The following INF2 variants were observed in gnomAD, a reference collection of about 807,000 sequenced individuals.
INF2 encodes inverted formin-2.
Under a neutral mutation model 123.5 loss-of-function variants are expected in INF2, and 43 were observed. The ratio of observed to expected loss-of-function variants is 0.35; its 90% CI spans 0.27 to 0.45. The LOEUF is 0.45. INF2 is among the 20% of genes least tolerant of loss of function. The pLI is 1.00. For synonymous variants in INF2, 851 were observed against 745.0 expected, an observed-to-expected ratio of 1.14 and a Z score of -2.32; for missense variants, 1,453 against 1,682.7, an observed-to-expected ratio of 0.86 and a Z score of 2.39.
In INF2 at chr14:104,708,722, C is replaced by T. The variant is rs754226456; in HGVS notation, c.1939C>T (p.Gln647Ter). 2 of 1,613,124 alleles carry T rather than the reference C, an allele frequency of 1.2e-6. No individual in the cohort carries two copies. Among genetic ancestry groups the T allele is most frequent in the Non-Finnish European group, 8.5e-7 (1 of 1,179,850 alleles). ...KSLNLNIFLK[Q>*]FKCSNEEVAA... is the part of the protein sequence containing the mutation. ...CCTGAACCTCAACATCTTCCTGAAG[C>T]AATTTAAGTGGTGAGTGAGGGAGGT... The change falls in exon 10 of 23, where the codon CAA (glutamine) becomes TAA (stop). Residue 647 changes from glutamine to a stop codon, truncating the protein, a stop_gained. Transcript: ENST00000392634. LOFTEE classifies it high-confidence loss of function.
chr14:104,693,525 A>T (rs1281046420), intron 1 of INF2, among the ~76,000 whole-genome samples: 3 of 152,164 alleles, frequency 2.0e-5, no homozygotes, highest in African/African-American at 7.2e-5. Flanking sequence ...GTGGCCGCTG[A>T]GCACACCAGC....
intron 1 of INF2, among the ~76,000 whole-genome samples, chr14:104,696,681 C>T (rs949512401): frequency 3.3e-5 from 5 of 152,074 alleles, no homozygotes; most frequent in Admixed American, 1.3e-4. Context: ...GCCAGGAACG[C>T]GTGCAGTCCT....
rs1890548143 is a variant in INF2, at chr14:104,721,266, G to A, written c.*2473G>A. On this transcript the variant is annotated 3_prime_UTR_variant, in exon 23 of 23. Coordinates refer to ENST00000392634, the MANE Select transcript of INF2 (RefSeq NM_022489.4). ...GGATGCTGCTGTGGACGTCTGCGTA[G>A]TCTCGTGTGGATGCTGCTGTGGACG... 2 of 130,832 alleles carry A rather than the reference G, an allele frequency of 1.5e-5. No homozygotes were observed. Among genetic ancestry groups the A allele is most frequent in the Admixed American group, 7.6e-5 (1 of 13,156 alleles). The allele number at this position is 130,832 out of a possible 1,614,324, so 8.1% of individuals were successfully genotyped here. A position where few individuals can be genotyped will look rare whatever the true frequency, so the allele number is the denominator to read the frequency against.
chr14:104,706,051 G>T lies in INF2; in HGVS notation c.718G>T (p.Asp240Tyr). Residue 240 changes from aspartate to tyrosine, a missense_variant, in exon 6 of 23, where the codon GAC (aspartate) becomes TAC (tyrosine). Physicochemically the swap from Asp to Tyr is radical, Grantham distance 160 (BLOSUM62 -3). Coordinates refer to ENST00000392634, the MANE Select transcript of INF2 (RefSeq NM_022489.4). The part of the protein sequence containing the change: ...LARLRDLEDA[D>Y]LLIQLEAFEE... Reference sequence around the variant, plus strand: ...CCTGCACAGAGACCTGGAGGATGCCGACCTGCTGATCCAGCTGGAGGCTTT... The same window carrying T: ...CCTGCACAGAGACCTGGAGGATGCCTACCTGCTGATCCAGCTGGAGGCTTT... 6.2e-7 allele frequency: 1 copy of T among 1,612,198 alleles called. No homozygotes were observed. The highest frequency in any genetic ancestry group is 8.5e-7 in the Non-Finnish European group (1 of 1,179,642).
chr14:104,685,115 G>C (rs186618712), upstream of INF2, among the ~76,000 whole-genome samples: 124 of 152,308 alleles, frequency 8.1e-4, no homozygotes, highest in African/African-American at 2.9e-3. Flanking sequence ...TGCAAGTACA[G>C]AATCTGTAAA....
At chr14:104,708,247 A>G (rs1889878176) in intron 8 of INF2, 189 bp from the exon 9 acceptor site, 3 of 883,492 alleles carry the variant, frequency 3.4e-6, no homozygotes, top group Non-Finnish European at 5.1e-6. Context: ...CTGGGGTGCC[A>G]TGGTGCCCTG....
rs1343712688 is a variant in INF2 at position 104,703,376 on chromosome 14, C to T, written c.589C>T (p.Leu197=). The T allele has an allele frequency of 6.2e-7, 1 of 1,613,054 alleles. No homozygotes were observed. The highest frequency in any genetic ancestry group is 2.2e-5 in the East Asian group (1 of 44,884). The change falls in exon 4 of 23, where the codon CTG becomes TTG. Residue 197 remains leucine, a synonymous_variant. Coordinates refer to ENST00000392634, the MANE Select transcript of INF2 (RefSeq NM_022489.4). ...GSDNVPYVVT[L]LSVINAVILG... ...CGACAACGTGCCCTACGTGGTCACCCTGCTTAGCGTGATCAACGCCGTCAT... is the reference window on the plus strand; with the variant it reads ...CGACAACGTGCCCTACGTGGTCACCTTGCTTAGCGTGATCAACGCCGTCAT...
rs1405691569 is a variant in INF2 at position 104,701,659 on chromosome 14, G to C, written c.294G>C (p.Gln98His). 1 of 1,594,126 alleles carries C rather than the reference G, an allele frequency of 6.3e-7. No individual in the cohort carries two copies. Among genetic ancestry groups the C allele is most frequent in the African/African-American group, 1.3e-5 (1 of 74,578 alleles). Reference protein sequence around the residue: ...GVARISDALLQLTCVSCVRAV... With the variant: ...GVARISDALLHLTCVSCVRAV... The stretch of plus-strand genomic sequence containing the variant: ...CACGTATCTCCGACGCCCTGCTGCA[G>C]CTCACCTGCGTCAGCTGCGTGCGCG... The change falls in exon 2 of 23, where the codon CAG becomes CAC. Residue 98 changes from glutamine (Q) to histidine (H), a missense_variant. By Grantham distance (24) the Gln-to-His change is conservative. Coordinates refer to ENST00000392634, the MANE Select transcript of INF2 (RefSeq NM_022489.4).
chr14:104,716,850 G>A (rs975869296), intron 22 of INF2, among the ~76,000 whole-genome samples: 4 of 152,052 alleles, frequency 2.6e-5, no homozygotes, highest in South Asian at 2.1e-4. Context: ...GCCACCACGC[G>A]CGGCTAATTT....
chr14:104,703,492 C>G (rs762664598), intron 4 of INF2, 38 bp downstream of exon 4: 3 of 1,605,274 alleles, frequency 1.9e-6, no homozygotes, highest in African/African-American at 1.3e-5. Flanking sequence ...CGCTCCTGCC[C>G]GCCTCTTGGC....
At chr14:104,713,185 G>A (rs371271001) in intron 18 of INF2, 22 bp from the exon 19 acceptor site, 113 of 1,563,484 alleles carry the variant, frequency 7.2e-5, no homozygotes, top group African/African-American at 2.6e-4. Flanking sequence ...CTGGGGTGAC[G>A]GGGCCACATC....
At position 104,718,922 on chromosome 14, in the gene INF2, AC is replaced by A. The variant is rs1890444814; in HGVS notation, c.*132del. ...CCCGGAAACCAAAACTCCGTGCCTT[AC>A]CCAGCCGGGGCCCTCCTGGAGCCTT... On this transcript the variant is annotated 3_prime_UTR_variant, in exon 23 of 23. Coordinates refer to ENST00000392634, the MANE Select transcript of INF2 (RefSeq NM_022489.4). 2.0e-6 allele frequency: 3 copies of A among 1,500,586 alleles called. No individual in the cohort carries two copies. Among genetic ancestry groups the A allele is most frequent in the Non-Finnish European group, 2.6e-6 (3 of 1,132,142 alleles). 93.0% of individuals were successfully genotyped at this position (1,500,586 alleles called of 1,614,324 possible).
chr14:104,686,472 G>A (rs1888667804), upstream of INF2, among the ~76,000 whole-genome samples: 1 of 151,944 alleles, frequency 6.6e-6, no homozygotes, highest in Non-Finnish European at 1.5e-5. Flanking sequence ...ACAGACGGAT[G>A]AAGTGTGGGT....
chr14:104,708,688 C>T lies in INF2; in HGVS notation c.1905C>T (p.Ala635=). ...KEPKEITFLD[A]KKSLNLNIFL... is the part of the protein sequence containing the mutation. ...TTTTCTAGATCACTTTCCTCGATGC[C>T]AAGAAGAGCCTGAACCTCAACATCT... is the stretch of plus-strand genomic sequence containing the variant. The change falls in exon 10 of 23, where the codon GCC becomes GCT. Residue 635 remains alanine (A), a synonymous_variant. Transcript: ENST00000392634. 1 of 1,613,058 alleles carries T rather than the reference C, an allele frequency of 6.2e-7. No individual in the cohort carries two copies. The highest frequency in any genetic ancestry group is 1.1e-5 in the South Asian group (1 of 91,086).
Position 104,712,351 on chromosome 14 carries a change from G to A in INF2, c.2490-82G>A. 1.3e-6 allele frequency: 2 copies of A among 1,581,278 alleles called. 1 individual carries two copies. ...GCAGGGTGCACAGTGGGGTGCCGGG[G>A]GGTGCAGGGGAGGGGCTCCCCTGTC... On this transcript the variant is annotated intron_variant, in intron 16 of 22. Transcript: ENST00000392634.
At chr14:104,688,584 A>G (rs934841982), upstream of INF2, among the ~76,000 whole-genome samples, 3 of 151,746 alleles carry the variant, frequency 2.0e-5, no homozygotes, top group Admixed American at 6.6e-5. Context: ...TACTTATTCT[A>G]TTTTACAGAT....
chr14:104,708,536 G>A lies in INF2; in HGVS notation c.1836G>A (p.Lys612=). ...GACTATTCTCCTTCCCTGCAGCCAA[G>A]CCCAAGGAGCCCACCATGGTGGCCC... is the stretch of plus-strand genomic sequence containing the variant. ...IERLFSFPAA[K]PKEPTMVAPR... Residue 612 remains lysine (K), a synonymous_variant, in exon 9 of 23, where the codon AAG becomes AAA. Coordinates refer to ENST00000392634, the MANE Select transcript of INF2 (RefSeq NM_022489.4). 5 of 1,612,502 alleles carry A rather than the reference G, an allele frequency of 3.1e-6. No individual in the cohort carries two copies. The highest frequency in any genetic ancestry group is 4.2e-6 in the Non-Finnish European group (5 of 1,179,800).
chr14:104,714,589 G>C lies in INF2; in HGVS notation c.3427G>C (p.Ala1143Pro). Residue 1143 changes from alanine to proline, a missense_variant, in exon 21 of 23, where the codon GCC (alanine) becomes CCC (proline). Ala to Pro is a conservative substitution (Grantham distance 27). Transcript: ENST00000392634. ...CACGTCCTTGCTGGGCGTCCTCCAGGCCGAGGCCGACAGCACAAGTGAGGG... is the reference window on the plus strand; with the variant it reads ...CACGTCCTTGCTGGGCGTCCTCCAGCCCGAGGCCGACAGCACAAGTGAGGG... ...DPTSLLGVLQ[A>P]EADSTSEGLE... 1 of 1,612,632 alleles carries C rather than the reference G, an allele frequency of 6.2e-7. No homozygotes were observed. Among genetic ancestry groups the C allele is most frequent in the Non-Finnish European group, 8.5e-7 (1 of 1,179,874 alleles).
chr14:104,710,815 G>T, intron 13 of INF2, 122 bp from the exon 14 acceptor site: 1 of 816,856 alleles, frequency 1.2e-6, no homozygotes, highest in African/African-American at 1.7e-5. Flanking sequence ...TCCGGTGCTG[G>T]GCTGAGCCTG....
Sources: gnomAD v4.1 joint callset for allele counts (sites outside exome capture counted in the v4.1 genomes callset) on GRCh38, gnomAD v4.1.1 for gene constraint, MANE v1.5 for transcripts, NCBI Gene and HGNC (gene_info 2026-07-23, HGNC 2026-07-21) for gene names.